Variants in ARHGEF4 observed in about 807,000 individuals in gnomAD.
ARHGEF4 encodes Rho guanine nucleotide exchange factor 4.
In ARHGEF4, 119 loss-of-function variants were observed where a neutral mutation model predicts 162.0. The observed-to-expected ratio is 0.73, with a 90% confidence interval of 0.63 to 0.86. The LOEUF is 0.86. ARHGEF4 is among the 40% of genes least tolerant of loss of function. ARHGEF4 has a pLI of 0.00. For missense variants in ARHGEF4, 2,488 were observed against 2,456.0 expected, an observed-to-expected ratio of 1.01 and a Z score of -0.28; for synonymous variants, 1,014 against 979.9, an observed-to-expected ratio of 1.03 and a Z score of -0.65.
chr2:130,969,756 A>C (rs1435167622), intron 4 of ARHGEF4, among the ~76,000 whole-genome samples: 2 of 152,162 alleles, frequency 1.3e-5, no homozygotes, highest in Non-Finnish European at 2.9e-5. Context: ...AAAATATAGA[A>C]GAGTTTTATT....
At chr2:130,927,694 G>GGTA (rs57802764) in intron 2 of ARHGEF4, among the ~76,000 whole-genome samples, 35,559 of 151,938 alleles carry the variant, frequency 0.23, 4,907 homozygotes, top group African/African-American at 0.38. Context: ...ATGTATGAGT[G>GGTA]GTATATATGC....
chr2:130,960,585 G>A (rs964446765), intron 4 of ARHGEF4, among the ~76,000 whole-genome samples: 16 of 152,116 alleles, frequency 1.1e-4, no homozygotes, highest in African/African-American at 3.4e-4. Flanking sequence ...GACTGTATAT[G>A]AGCAATATAT....
chr2:130,947,856 A>G (rs1171436941), intron 4 of ARHGEF4, among the ~76,000 whole-genome samples: 1 of 152,162 alleles, frequency 6.6e-6, no homozygotes, highest in Non-Finnish European at 1.5e-5. Context: ...GCAGGTGCAG[A>G]TTGTGTTAGG....
intron 2 of ARHGEF4, among the ~76,000 whole-genome samples, chr2:130,926,979 ATC>A (rs1204685954): frequency 1.3e-5 from 2 of 150,838 alleles, no homozygotes; most frequent in Non-Finnish European, 3.0e-5. Flanking sequence ...TGGGGCTGAC[ATC>A]TCTCTGGCTG....
At chr2:130,839,022 G>A (rs1680415030) in intron 1 of ARHGEF4, among the ~76,000 whole-genome samples, 2 of 152,066 alleles carry the variant, frequency 1.3e-5, no homozygotes, top group African/African-American at 4.8e-5. Flanking sequence ...GGTCCCTGTA[G>A]GTCCTGAGAC....
chr2:130,982,303 A>G (rs953250153), intron 4 of ARHGEF4, among the ~76,000 whole-genome samples: 5 of 151,974 alleles, frequency 3.3e-5, no homozygotes, highest in Non-Finnish European at 4.4e-5. Context: ...GTTTTTTTAT[A>G]ATATTTATTT....
intron 4 of ARHGEF4, among the ~76,000 whole-genome samples, chr2:130,978,905 TTCAGGAACACA>T (rs1188287112): frequency 6.6e-6 from 1 of 152,214 alleles, no homozygotes; most frequent in South Asian, 2.1e-4. Context: ...GTTAGCAATC[TTCAGGAACACA>T]TCAGCCTTTC....
chr2:131,004,077 T>A lies in ARHGEF4; in HGVS notation c.3986-23868T>A, dbSNP rs368249015. ...ACACCAGACCCACCTCTGGGAAAGATAAGAAAGGGAGGAAGCTGGGCCAGT... is the reference window on the plus strand; with the variant it reads ...ACACCAGACCCACCTCTGGGAAAGAAAAGAAAGGGAGGAAGCTGGGCCAGT... On this transcript the variant is annotated intron_variant, in intron 4 of 13. Transcript: ENST00000409359. 1.6e-3 allele frequency among the ~76,000 whole-genome samples: 251 copies of A among 152,172 alleles called. 11 individuals are homozygous for A. The South Asian group carries it at 0.049, about 30-fold the overall frequency.
chr2:131,035,047 G>C, intron 5 of ARHGEF4: 1 of 996,066 alleles, frequency 1.0e-6, no homozygotes, highest in Non-Finnish European at 1.2e-6. Context: ...GCTCGGCCCT[G>C]TGCGGCGGGA....
At chr2:130,938,301 G>A (rs1683085645) in intron 3 of ARHGEF4, among the ~76,000 whole-genome samples, 1 of 152,158 alleles carries the variant, frequency 6.6e-6, no homozygotes, top group Non-Finnish European at 1.5e-5. Flanking sequence ...ATGTTTGCAT[G>A]ATCCAGCTTC....
rs147014692 is a variant in ARHGEF4, at chr2:131,040,123, G to A, written c.4413G>A (p.Arg1471=). The A allele has an allele frequency of 5.0e-6, 8 of 1,613,090 alleles. No homozygotes were observed. In the East Asian group the frequency reaches 6.7e-5, roughly 13 times the overall value. Residue 1471 remains arginine (R), a synonymous_variant, in exon 7 of 14, where the codon CGG becomes CGA. Coordinates refer to ENST00000409359, the MANE Select transcript of ARHGEF4 (RefSeq NM_001367493.1). ...AEAQSSKDQM[R]TNVINEILST... Reference sequence around the variant, plus strand: ...CGCAGAGCAGCAAGGACCAGATGCGGACCAACGTCATCAACGAGATCCTCA... The same window carrying A: ...CGCAGAGCAGCAAGGACCAGATGCGAACCAACGTCATCAACGAGATCCTCA...
At chr2:130,866,937 A>T (rs4850269) in intron 1 of ARHGEF4, among the ~76,000 whole-genome samples, 12,439 of 152,188 alleles carry the variant, frequency 0.082, 973 homozygotes, top group African/African-American at 0.2. Flanking sequence ...CTGCAAATAA[A>T]CGGTATCATT....
chr2:130,936,905 C>CTTTTTTTTTTTTTTTTT (rs36086542), intron 3 of ARHGEF4, among the ~76,000 whole-genome samples: 3 of 82,330 alleles, frequency 3.6e-5, no homozygotes, highest in African/African-American at 9.1e-5. Context: ...TTTCTTTTTT[C>CTTTTTTTTTTTTTTTTT]TTTTTTTTTT....
Position 131,040,308 on chromosome 2 carries a change from G to A in ARHGEF4, c.4530G>A (p.Glu1510=), listed in dbSNP as rs1391378116. The A allele has an allele frequency of 2.5e-6, 4 of 1,613,046 alleles. No individual in the cohort carries two copies. The highest frequency in any genetic ancestry group is 3.4e-6 in the Non-Finnish European group (4 of 1,179,824). Residue 1510 remains glutamate (E), a synonymous_variant, in exon 8 of 14, where the codon GAG becomes GAA. Coordinates refer to ENST00000409359, the MANE Select transcript of ARHGEF4 (RefSeq NM_001367493.1). The part of the protein sequence containing the change: ...CRKRADMFSE[E]QLRTIFGNIE... ...AGCGCGCAGACATGTTCAGCGAGGAGCAGCTGCGTACCATCTTCGGGAACA... is the reference window on the plus strand; with the variant it reads ...AGCGCGCAGACATGTTCAGCGAGGAACAGCTGCGTACCATCTTCGGGAACA...
intron 4 of ARHGEF4, among the ~76,000 whole-genome samples, chr2:130,956,532 G>A (rs2105176220): frequency 6.6e-6 from 1 of 150,436 alleles, no homozygotes; most frequent in East Asian, 1.9e-4. Context: ...TATGTTTATT[G>A]CGGCACTATT....
intron 1 of ARHGEF4, among the ~76,000 whole-genome samples, chr2:130,877,734 C>T (rs905774094): frequency 1.8e-4 from 27 of 152,262 alleles, no homozygotes; most frequent in African/African-American, 5.8e-4. Context: ...CCCTATCCAC[C>T]CCAACCAACC....
intron 3 of ARHGEF4, among the ~76,000 whole-genome samples, chr2:130,937,457 A>G (rs1334449732): frequency 6.6e-6 from 1 of 151,854 alleles, no homozygotes; most frequent in African/African-American, 2.4e-5. Context: ...TGTTTTTTTA[A>G]TACTTTCTCT....
chr2:130,882,356 C>T (rs1679247863), intron 1 of ARHGEF4, among the ~76,000 whole-genome samples: 2 of 152,074 alleles, frequency 1.3e-5, no homozygotes, highest in Non-Finnish European at 2.9e-5. Context: ...CATCTATTTC[C>T]CCCAGGTCTA....
intron 1 of ARHGEF4, among the ~76,000 whole-genome samples, chr2:130,897,188 A>G (rs1156409108): frequency 6.6e-6 from 1 of 152,230 alleles, no homozygotes; most frequent in Non-Finnish European, 1.5e-5. Flanking sequence ...CAGCGCACAC[A>G]GTAAAATGTA....
Sources: allele counts gnomAD v4.1 joint callset (sites outside exome capture counted in the v4.1 genomes callset), GRCh38; gene constraint gnomAD v4.1.1; transcripts MANE v1.5; gene names NCBI Gene and HGNC (gene_info 2026-07-23, HGNC 2026-07-21).